Variants in GCLC observed in about 807,000 individuals in gnomAD.
GCLC encodes the protein glutamate-cysteine ligase catalytic subunit.
Under a neutral mutation model 81.5 loss-of-function variants are expected in GCLC, and 30 were observed. The ratio of observed to expected loss-of-function variants is 0.37; its 90% CI spans 0.28 to 0.50. The LOEUF (loss-of-function observed/expected upper bound fraction) is 0.50, where lower values mean the gene tolerates loss of function less well. Among genes scored for constraint, GCLC ranks in the 20% least tolerant of loss-of-function variants. The probability of loss-of-function intolerance (pLI) is 0.96; values close to 1 mark genes in which losing one functional copy is unlikely to be tolerated. For missense variants in GCLC, 556 were observed against 777.4 expected, an observed-to-expected ratio of 0.72 and a Z score of 3.39; for synonymous variants, 262 against 273.3, an observed-to-expected ratio of 0.96 and a Z score of 0.41.
chr6:53,511,178 T>C (rs1179393029), intron 6 of GCLC, among the ~76,000 whole-genome samples: 1 of 111,282 alleles, frequency 9.0e-6, no homozygotes, highest in Non-Finnish European at 1.7e-5. Context: ...GCTTAACAAA[T>C]GAGAATCTTG....
At chr6:53,515,916 G>C (rs955163157) in intron 4 of GCLC, among the ~76,000 whole-genome samples, 193 bp downstream of exon 4, 1 of 152,164 alleles carries the variant, frequency 6.6e-6, no homozygotes, top group Admixed American at 6.5e-5. Flanking sequence ...CCTGGTGCAC[G>C]CATCAACAAC....
intron 6 of GCLC, 73 bp downstream of exon 6, chr6:53,514,131 C>T (rs1429226040): frequency 3.6e-6 from 5 of 1,386,844 alleles, no homozygotes; most frequent in Non-Finnish European, 5.1e-6. Context: ...GAACAGGAAA[C>T]ATGCATATAT....
chr6:53,518,529 G>A (rs976714030), intron 3 of GCLC, among the ~76,000 whole-genome samples: 5 of 152,180 alleles, frequency 3.3e-5, no homozygotes, highest in Non-Finnish European at 7.4e-5. Context: ...GGGATTACAG[G>A]TGTAAGACAC....
chr6:53,542,707 C>T (rs1257182398), intron 1 of GCLC, among the ~76,000 whole-genome samples: 1 of 152,102 alleles, frequency 6.6e-6, no homozygotes. Flanking sequence ...TGTAGAGAGA[C>T]CTAGTTAAAT....
intron 1 of GCLC, among the ~76,000 whole-genome samples, chr6:53,541,609 G>A (rs1763356639): frequency 1.3e-5 from 2 of 152,224 alleles, no homozygotes; most frequent in Admixed American, 1.3e-4. Flanking sequence ...ATGTTAGTAG[G>A]GTGGGGGGGC....
chr6:53,528,278 T>C (rs924024126), intron 1 of GCLC, among the ~76,000 whole-genome samples: 2 of 152,226 alleles, frequency 1.3e-5, no homozygotes, highest in South Asian at 4.1e-4. Context: ...TTTTTAAAGA[T>C]GGACTCCCAT....
intron 1 of GCLC, among the ~76,000 whole-genome samples, chr6:53,534,590 G>C (rs1245499784): frequency 6.6e-6 from 1 of 152,114 alleles, no homozygotes; most frequent in African/African-American, 2.4e-5. Context: ...AAATCAGTGG[G>C]CCCTACAATT....
chr6:53,507,191 C>A lies in GCLC; in HGVS notation c.1085-166G>T, dbSNP rs576403550. On this transcript the variant is annotated intron_variant, in intron 9 of 15. Coordinates refer to ENST00000650454, the MANE Select transcript of GCLC (RefSeq NM_001498.4). ...TCACCTCACCCAGTATTTTATCCTG[C>A]GGACACTGCGGGAGTGTCAGCGTTT... 11 of 696,518 alleles carry A rather than the reference C, an allele frequency of 1.6e-5. No individual in the cohort carries two copies. In the African/African-American group the frequency reaches 1.9e-4, roughly 12 times the overall value. The allele number at this position is 696,518 out of a possible 1,614,324, so 43.1% of individuals were successfully genotyped here.
chr6:53,508,869 G>T (rs745857185), intron 7 of GCLC, among the ~76,000 whole-genome samples, 158 bp from the exon 8 acceptor site: 3 of 152,210 alleles, frequency 2.0e-5, no homozygotes, highest in Non-Finnish European at 4.4e-5. Context: ...ATACCAGGAA[G>T]AATCCAGTTC....
intron 6 of GCLC, among the ~76,000 whole-genome samples, chr6:53,512,589 T>C (rs184088601): frequency 1.7e-4 from 26 of 152,324 alleles, no homozygotes; most frequent in Admixed American, 8.5e-4. Context: ...ATTCATTTCA[T>C]GTGCCACACA....
chr6:53,544,483 C>G lies in GCLC; in HGVS notation c.150+13G>C, dbSNP rs757359111. ...ACGGGTGCCCGGCGGGGACGGGGAC[C>G]GCGGGCGCTCACCTCATCGCCCCAC... is the stretch of plus-strand genomic sequence containing the variant. On this transcript the variant is annotated intron_variant, in intron 1 of 15. Transcript: ENST00000650454. The G allele has an allele frequency of 2.5e-6, 4 of 1,605,234 alleles. No individual in the cohort carries two copies. Among genetic ancestry groups the G allele is most frequent in the Non-Finnish European group, 3.4e-6 (4 of 1,179,292 alleles).
In GCLC at chr6:53,545,035, C is replaced by T. The variant is rs1158415571; in HGVS notation, c.-390G>A. Reference sequence around the variant, plus strand: ...GGTCTGGTGCACTGGCTTCTTCCTACTTGTGACCAAAACCTGCGCCGCCGC... The same window carrying T: ...GGTCTGGTGCACTGGCTTCTTCCTATTTGTGACCAAAACCTGCGCCGCCGC... On this transcript the variant is annotated 5_prime_UTR_variant, in exon 1 of 16. Coordinates refer to ENST00000650454, the MANE Select transcript of GCLC (RefSeq NM_001498.4). The T allele has an allele frequency of 6.2e-6, 1 of 161,716 alleles. No individual in the cohort carries two copies. Among genetic ancestry groups the T allele is most frequent in the Non-Finnish European group, 1.3e-5 (1 of 74,694 alleles). 10.0% of individuals were successfully genotyped at this position (161,716 alleles called of 1,614,324 possible).
intron 1 of GCLC, among the ~76,000 whole-genome samples, chr6:53,530,404 A>G (rs537866617): frequency 3.3e-5 from 5 of 152,308 alleles, no homozygotes; most frequent in African/African-American, 9.6e-5. Context: ...TGTGAATTCA[A>G]TCTCCTTCCC....
chr6:53,500,922 TTC>T (rs1764499369), intron 12 of GCLC: 1 of 310,818 alleles, frequency 3.2e-6, no homozygotes, highest in African/African-American at 2.2e-5. Context: ...CCAGTTCTTC[TTC>T]TGTTTTTTTG....
At chr6:53,539,348 C>T (rs1233965992) in intron 1 of GCLC, among the ~76,000 whole-genome samples, 1 of 152,146 alleles carries the variant, frequency 6.6e-6, no homozygotes, top group Non-Finnish European at 1.5e-5. Context: ...TAGGACCTGT[C>T]ATATTAAAGG....
chr6:53,515,792 A>C (rs1031966865), intron 4 of GCLC, among the ~76,000 whole-genome samples: 1 of 152,158 alleles, frequency 6.6e-6, no homozygotes, highest in Non-Finnish European at 1.5e-5. Context: ...AGAAAAAAAA[A>C]ATCCCAGTAG....
chr6:53,540,791 G>A (rs1462144372), intron 1 of GCLC, among the ~76,000 whole-genome samples: 1 of 151,890 alleles, frequency 6.6e-6, no homozygotes, highest in Non-Finnish European at 1.5e-5. Flanking sequence ...TCTTACAAAA[G>A]GGTGATTAGA....
chr6:53,514,469 T>C lies in GCLC; in HGVS notation c.589A>G (p.Arg197Gly). Residue 197 changes from arginine (R) to glycine (G), a missense_variant, in exon 5 of 16, where the codon AGA becomes GGA. This residue lies in a region of GCLC where 234 missense variants were observed against 303.8 expected (regional missense o/e 0.77). Coordinates refer to ENST00000650454, the MANE Select transcript of GCLC (RefSeq NM_001498.4). Reference sequence around the variant, plus strand: ...ACATTGATGACAACCTTTTCTCCTCTCCTATGTCGGATATTTCTTGTTAAG... The same window carrying C: ...ACATTGATGACAACCTTTTCTCCTCCCCTATGTCGGATATTTCTTGTTAAG... Reference protein sequence around the residue: ...STLTRNIRHRRGEKVVINVPI... With the variant: ...STLTRNIRHRGGEKVVINVPI... 1 of 1,613,472 alleles carries C rather than the reference T, an allele frequency of 6.2e-7. No homozygotes were observed. Among genetic ancestry groups the C allele is most frequent in the Non-Finnish European group, 8.5e-7 (1 of 1,179,406 alleles).
Position 53,520,957 on chromosome 6 carries a change from A to G in GCLC, c.267T>C (p.His89=). The G allele has an allele frequency of 6.2e-7, 1 of 1,611,444 alleles. No homozygotes were observed. The highest frequency in any genetic ancestry group is 8.5e-7 in the Non-Finnish European group (1 of 1,177,510). The part of the protein sequence containing the change: ...QEKGERTNPN[H]PTLWRPEYGS... ...CATACTCTGGTCTCCAAAGGGTAGG[A>G]TGGCTACGGAGGAGAAATAACTTAG... The change falls in exon 3 of 16, where the codon CAT becomes CAC. Residue 89 remains histidine (H), a synonymous_variant. Transcript: ENST00000650454.
Sources: gnomAD v4.1 joint callset for allele counts (sites outside exome capture counted in the v4.1 genomes callset) on GRCh38, gnomAD v4.1.1 for gene constraint, gnomAD v4.1.1 regional missense constraint, MANE v1.5 for transcripts, NCBI Gene and HGNC (gene_info 2026-07-23, HGNC 2026-07-21) for gene names.